The following MKLN1 variants were observed in gnomAD, a reference collection of about 807,000 sequenced individuals.
The protein encoded by MKLN1 is muskelin.
In MKLN1, 18 loss-of-function variants were observed where a neutral mutation model predicts 99.0. The observed-to-expected ratio is 0.18, with a 90% CI of 0.13 to 0.27. The LOEUF (loss-of-function observed/expected upper bound fraction) is 0.27. Among genes scored for constraint, MKLN1 ranks in the 10% least tolerant of loss-of-function variants. The pLI is 1.00. For missense variants in MKLN1, 621 were observed against 875.9 expected, an observed-to-expected ratio of 0.71 and a Z score of 3.67; for synonymous variants, 288 against 293.2, an observed-to-expected ratio of 0.98 and a Z score of 0.18.
chr7:131,137,659 C>T (rs1025884059), intron 1 of MKLN1, among the ~76,000 whole-genome samples: 1 of 152,150 alleles, frequency 6.6e-6, no homozygotes, highest in Non-Finnish European at 1.5e-5. Flanking sequence ...ACTGCAACCT[C>T]CACCTCCTGG....
chr7:131,173,256 T>C (rs1375140862), intron 2 of MKLN1, among the ~76,000 whole-genome samples: 1 of 151,970 alleles, frequency 6.6e-6, no homozygotes, highest in Non-Finnish European at 1.5e-5. Flanking sequence ...GAAGGAAATA[T>C]TAAATCTAAT....
intron 1 of MKLN1, among the ~76,000 whole-genome samples, chr7:131,366,559 C>G (rs1000457548): frequency 6.6e-6 from 1 of 152,048 alleles, no homozygotes; most frequent in Non-Finnish European, 1.5e-5. Flanking sequence ...GCCTGTAATC[C>G]CAGCACTTTG....
chr7:131,376,165 GCCTA>G (rs1793655113), intron 2 of MKLN1, among the ~76,000 whole-genome samples: 1 of 81,558 alleles, frequency 1.2e-5, no homozygotes, highest in Admixed American at 1.4e-4. Context: ...TTTTCTCTTT[GCCTA>G]CCTATTTGGA....
chr7:131,138,136 G>T (rs55938612), intron 1 of MKLN1, among the ~76,000 whole-genome samples: 2 of 151,204 alleles, frequency 1.3e-5, no homozygotes, highest in African/African-American at 2.4e-5. Flanking sequence ...TATTGGTCAG[G>T]CTGGTCTCAA....
At chr7:131,353,655 A>T (rs1317814918) in intron 1 of MKLN1, among the ~76,000 whole-genome samples, 1 of 151,896 alleles carries the variant, frequency 6.6e-6, no homozygotes, top group African/African-American at 2.4e-5. Flanking sequence ...TTTTCCTTTT[A>T]TACATTTTGC....
intron 8 of MKLN1, among the ~76,000 whole-genome samples, chr7:131,418,500 CA>C: frequency 6.6e-6 from 1 of 151,080 alleles, no homozygotes; most frequent in Admixed American, 6.6e-5. Flanking sequence ...TATGAGCTTA[CA>C]AAAAAAATCA....
At chr7:131,357,378 G>A (rs941535886) in intron 1 of MKLN1, among the ~76,000 whole-genome samples, 1 of 152,100 alleles carries the variant, frequency 6.6e-6, no homozygotes, top group Non-Finnish European at 1.5e-5. Context: ...TCCCTGAGGT[G>A]GTGTTTGTCA....
intron 3 of MKLN1, among the ~76,000 whole-genome samples, chr7:131,239,811 G>A (rs1797374655): frequency 6.6e-6 from 1 of 152,130 alleles, no homozygotes; most frequent in South Asian, 2.1e-4. Flanking sequence ...TCAACCTAGT[G>A]AGACCCTATC....
chr7:131,215,445 A>G (rs1796966437), intron 3 of MKLN1, among the ~76,000 whole-genome samples: 3 of 152,112 alleles, frequency 2.0e-5, no homozygotes, highest in Admixed American at 2.0e-4. Flanking sequence ...TTCTGGCTCA[A>G]GGGATCCTTC....
intron 3 of MKLN1, among the ~76,000 whole-genome samples, chr7:131,309,327 C>A (rs184922785): frequency 1.2e-3 from 186 of 152,186 alleles, no homozygotes; most frequent in African/African-American, 4.2e-3. Flanking sequence ...TTATTTGGGA[C>A]AAGCTTGAGG....
chr7:131,273,628 CTT>C (rs369322456), intron 3 of MKLN1, among the ~76,000 whole-genome samples: 37 of 140,352 alleles, frequency 2.6e-4, no homozygotes, highest in Admixed American at 3.6e-4. Context: ...TTTTTTTTTC[CTT>C]TTTTTTTTTT....
chr7:131,469,687 T>G (rs549265121), intron 15 of MKLN1, among the ~76,000 whole-genome samples: 103 of 152,284 alleles, frequency 6.8e-4, no homozygotes, highest in Non-Finnish European at 1.2e-3. Flanking sequence ...TCTTTCCTAC[T>G]CAAAGAAAAT....
intron 2 of MKLN1, among the ~76,000 whole-genome samples, chr7:131,149,190 A>G (rs79448112): frequency 0.017 from 2,600 of 151,940 alleles, 83 homozygotes; most frequent in African/African-American, 0.059. Context: ...GTGGATTTCT[A>G]TTTTCTTGGC....
chr7:131,422,555 G>C (rs986152286), intron 8 of MKLN1, among the ~76,000 whole-genome samples: 1 of 151,964 alleles, frequency 6.6e-6, no homozygotes, highest in East Asian at 1.9e-4. Flanking sequence ...TTCTGTCTCC[G>C]GAAATTGTTT....
At chr7:131,451,167 T>G (rs941344677) in intron 12 of MKLN1, among the ~76,000 whole-genome samples, 3 of 152,228 alleles carry the variant, frequency 2.0e-5, no homozygotes, top group Non-Finnish European at 4.4e-5. Context: ...ATTCCCACAT[T>G]TTTAAAATAT....
chr7:131,330,927 G>A (rs1799054441), intron 1 of MKLN1, among the ~76,000 whole-genome samples: 1 of 152,006 alleles, frequency 6.6e-6, no homozygotes, highest in Non-Finnish European at 1.5e-5. Context: ...TGTGCTTAGA[G>A]ATTGCCTGTA....
intron 3 of MKLN1, among the ~76,000 whole-genome samples, chr7:131,234,766 C>T (rs1298773973): frequency 2.0e-5 from 3 of 152,178 alleles, no homozygotes; most frequent in Non-Finnish European, 4.4e-5. Context: ...GCCCAAAATA[C>T]CTCTCTCTCC....
At chr7:131,160,382 G>A (rs1175372070) in intron 2 of MKLN1, among the ~76,000 whole-genome samples, 9 of 151,784 alleles carry the variant, frequency 5.9e-5, no homozygotes, top group Non-Finnish European at 1.5e-5. Context: ...GTACCTTTGT[G>A]TACAAGCTTT....
intron 2 of MKLN1, among the ~76,000 whole-genome samples, chr7:131,148,173 C>T (rs1179909704): frequency 6.6e-6 from 1 of 152,018 alleles, no homozygotes; most frequent in Non-Finnish European, 1.5e-5. Context: ...CTCAGCTTCT[C>T]GAAGAGCTGG....
Sources: gnomAD v4.1 joint callset for allele counts (sites outside exome capture counted in the v4.1 genomes callset) on GRCh38, gnomAD v4.1.1 for gene constraint, MANE v1.5 for transcripts, NCBI Gene and HGNC (gene_info 2026-07-23, HGNC 2026-07-21) for gene names.